Variants in SPAG9 observed in about 807,000 individuals in gnomAD.
SPAG9 encodes C-Jun-amino-terminal kinase-interacting protein 4.
Under a neutral mutation model 166.5 loss-of-function variants are expected in SPAG9, and 35 were observed. The observed-to-expected ratio is 0.21, with a 90% confidence interval of 0.16 to 0.28. The LOEUF is 0.28. SPAG9 is among the 10% of genes least tolerant of loss of function. SPAG9 has a pLI of 1.00. For missense variants in SPAG9, 1,235 were observed against 1,603.3 expected (o/e 0.77, Z 3.92); for synonymous variants, 534 against 565.5 (o/e 0.94, Z 0.79).
At chr17:51,070,094 A>C (rs1029117944) in intron 2 of SPAG9, among the ~76,000 whole-genome samples, 5 of 151,690 alleles carry the variant, frequency 3.3e-5, no homozygotes, top group East Asian at 1.9e-4. Flanking sequence ...CAAAAAAAAA[A>C]CCTGTACTCC....
chr17:51,045,527 C>T (rs60731611), intron 4 of SPAG9, among the ~76,000 whole-genome samples: 1,890 of 152,080 alleles, frequency 0.012, 40 homozygotes, highest in African/African-American at 0.043. Flanking sequence ...TAAAAAGAAA[C>T]ACATTAAGGG....
chr17:51,040,187 A>C (rs1015535705), intron 5 of SPAG9, among the ~76,000 whole-genome samples: 4 of 151,260 alleles, frequency 2.6e-5, no homozygotes, highest in African/African-American at 7.3e-5. Flanking sequence ...GCCAAGGTTG[A>C]AATGAGCTGA....
intron 3 of SPAG9, among the ~76,000 whole-genome samples, chr17:51,052,713 T>A (rs911844920): frequency 6.6e-6 from 1 of 152,186 alleles, no homozygotes; most frequent in African/African-American, 2.4e-5. Flanking sequence ...TCACCTTTAT[T>A]AAATATATGG....
At chr17:51,100,795 T>C (rs1196995198) in intron 1 of SPAG9, among the ~76,000 whole-genome samples, 1 of 152,104 alleles carries the variant, frequency 6.6e-6, no homozygotes, top group Non-Finnish European at 1.5e-5. Context: ...GGTGCATGCC[T>C]GTAATCCCAG....
intron 21 of SPAG9, chr17:50,989,390 C>T: frequency 2.2e-6 from 1 of 457,856 alleles, no homozygotes; most frequent in Non-Finnish European, 4.0e-6. Context: ...ATGAAATCAC[C>T]TAATGACACA....
intron 9 of SPAG9, 103 bp downstream of exon 9, chr17:51,014,129 T>C (rs1340850870): frequency 6.1e-6 from 6 of 977,080 alleles, no homozygotes; most frequent in Admixed American, 2.7e-5. Flanking sequence ...AATAACCCTG[T>C]ATCACTGAGC....
intron 19 of SPAG9, among the ~76,000 whole-genome samples, chr17:50,991,887 G>C (rs1433883645): frequency 7.2e-6 from 1 of 139,774 alleles, no homozygotes; most frequent in African/African-American, 2.7e-5. Context: ...GCCTCCCAAA[G>C]TGTCTGGATT....
chr17:51,062,924 T>A (rs2047558632), intron 2 of SPAG9, among the ~76,000 whole-genome samples: 1 of 152,190 alleles, frequency 6.6e-6, no homozygotes, highest in Non-Finnish European at 1.5e-5. Context: ...ACAGTTTATT[T>A]CTTTTTAGCA....
intron 25 of SPAG9, 134 bp from the exon 26 acceptor site, chr17:50,980,051 T>C (rs1974480140): frequency 1.3e-6 from 1 of 747,870 alleles, no homozygotes; most frequent in Non-Finnish European, 2.1e-6. Flanking sequence ...TGATTACTCT[T>C]ATATACACAA....
At chr17:50,989,941 C>T (rs528557301) in intron 20 of SPAG9, 69 bp from the exon 21 acceptor site, 15 of 1,320,380 alleles carry the variant, frequency 1.1e-5, no homozygotes, top group Admixed American at 1.7e-5. Context: ...CACACAAACC[C>T]CTGTTATAGA....
chr17:51,048,304 C>T (rs965033080), intron 3 of SPAG9, among the ~76,000 whole-genome samples: 1 of 151,698 alleles, frequency 6.6e-6, no homozygotes, highest in Non-Finnish European at 1.5e-5. Flanking sequence ...AATCAAAAGG[C>T]CTTTGCTAGA....
intron 1 of SPAG9, among the ~76,000 whole-genome samples, chr17:51,101,888 G>A (rs2048817908): frequency 6.6e-6 from 1 of 152,086 alleles, no homozygotes; most frequent in African/African-American, 2.4e-5. Flanking sequence ...GCCTCCCAAA[G>A]TGCTGGGATT....
chr17:51,086,545 C>T (rs1364745808), intron 1 of SPAG9, among the ~76,000 whole-genome samples: 3 of 151,874 alleles, frequency 2.0e-5, no homozygotes, highest in East Asian at 3.9e-4. Context: ...CATAGCTACT[C>T]GGGAGGCTGA....
intron 26 of SPAG9, among the ~76,000 whole-genome samples, chr17:50,979,332 A>G (rs1024139093): frequency 6.7e-6 from 1 of 148,826 alleles, no homozygotes; most frequent in African/African-American, 2.5e-5. Flanking sequence ...TGATGGTGCC[A>G]CTGCACTCCA....
At chr17:51,113,899 A>C (rs1421994989) in intron 1 of SPAG9, among the ~76,000 whole-genome samples, 1 of 151,436 alleles carries the variant, frequency 6.6e-6, no homozygotes, top group Non-Finnish European at 1.5e-5. Context: ...GGAAGTTGAG[A>C]TGGGAGGATC....
chr17:51,010,745 G>A (rs1037802829), intron 9 of SPAG9, among the ~76,000 whole-genome samples: 1 of 151,896 alleles, frequency 6.6e-6, no homozygotes. Context: ...CAGCCTTGGG[G>A]GACAGAACAA....
At chr17:51,072,033 A>C (rs2144598005) in intron 2 of SPAG9, among the ~76,000 whole-genome samples, 1 of 152,292 alleles carries the variant, frequency 6.6e-6, no homozygotes, top group South Asian at 2.1e-4. Context: ...TTTATTTTAA[A>C]TTAAATGTTG....
chr17:51,090,120 G>C (rs1362042611), intron 1 of SPAG9, among the ~76,000 whole-genome samples: 1 of 152,086 alleles, frequency 6.6e-6, no homozygotes, highest in African/African-American at 2.4e-5. Flanking sequence ...GGCATGCCCA[G>C]GTAACTACAA....
rs563847916 is a variant in SPAG9 at position 51,021,298 on chromosome 17, T to A, written c.851A>T (p.Asp284Val). 3.1e-6 allele frequency: 5 copies of A among 1,614,098 alleles called. No homozygotes were observed. The Admixed American group carries it at 8.3e-5, about 27-fold the overall frequency. Residue 284 changes from aspartate (D) to valine (V), a missense_variant, in exon 7 of 30, where the codon GAT (aspartate) becomes GTT (valine). Around this residue, in one of 6 missense-constraint regions of SPAG9, gnomAD observed 288 missense variants for 323.7 expected, o/e 0.89. Transcript: ENST00000262013. Reference sequence around the variant, plus strand: ...AGTATCAGTAGGAATTGTTGCCACATCTGAATTAGCTGTTGATGCTGGAGT... The same window carrying A: ...AGTATCAGTAGGAATTGTTGCCACAACTGAATTAGCTGTTGATGCTGGAGT... ...ATTPASTANS[D>V]VATIPTDTPL... is the part of the protein sequence containing the mutation.
Sources: gnomAD v4.1 joint callset for allele counts (sites outside exome capture counted in the v4.1 genomes callset) on GRCh38, gnomAD v4.1.1 for gene constraint, gnomAD v4.1.1 regional missense constraint, MANE v1.5 for transcripts, NCBI Gene and HGNC (gene_info 2026-07-23, HGNC 2026-07-21) for gene names.